The following SLC5A4 variants were observed in gnomAD, a reference collection of about 807,000 sequenced individuals.
The protein encoded by SLC5A4 is probable glucose sensor protein SLC5A4.
Under a neutral mutation model 70.3 loss-of-function variants are expected in SLC5A4, and 55 were observed. That is an observed-to-expected ratio of 0.78 (90% CI 0.63 to 0.98). The LOEUF is 0.98. SLC5A4 is among the 50% of genes least tolerant of loss of function. The probability of loss-of-function intolerance (pLI) is 0.00; values close to 1 mark genes in which losing one functional copy is unlikely to be tolerated. For missense variants in SLC5A4, 735 were observed against 839.2 expected (o/e 0.88, Z 1.53); for synonymous variants, 268 against 305.7 (o/e 0.88, Z 1.29).
chr22:32,236,109 A>AC (rs1926044395), intron 7 of SLC5A4, among the ~76,000 whole-genome samples: 1 of 152,208 alleles, frequency 6.6e-6, no homozygotes, highest in Admixed American at 6.5e-5. Flanking sequence ...CATGAACAAG[A>AC]ACAGCACAGA....
At chr22:32,338,447 G>A in the SLC5A4 span, among the ~76,000 whole-genome samples, 9 of 152,042 alleles carry the variant, frequency 5.9e-5, no homozygotes, top group African/African-American at 1.9e-4. Context: ...TCAGGAGTTC[G>A]GAGACCAGCC....
rs1926332900 is a variant in SLC5A4 at position 32,239,558 on chromosome 22, A to ATT, written c.478-469_478-468insAA. Among the ~76,000 whole-genome samples, 2 of 24,968 alleles carry ATT rather than the reference A, an allele frequency of 8.0e-5. 1 individual carries two copies. Among genetic ancestry groups the ATT allele is most frequent in the African/African-American group, 4.4e-4 (2 of 4,496 alleles). 16.4% of individuals were successfully genotyped at this position (24,968 alleles called of 152,430 possible). A position where few individuals can be genotyped will look rare whatever the true frequency, so the allele number is the denominator to read the frequency against. Reference sequence around the variant, plus strand: ...TATATATATATATATATATATATATATATATATATATTTATATATATATTT... The same window carrying ATT: ...TATATATATATATATATATATATATATTTATATATATATTTATATATATATTT... On this transcript the variant is annotated intron_variant, in intron 5 of 14. Transcript: ENST00000266086.
the SLC5A4 span, among the ~76,000 whole-genome samples, chr22:32,352,409 A>T: frequency 2.5e-5 from 3 of 117,734 alleles, no homozygotes; most frequent in African/African-American, 8.9e-5. Context: ...CCAGAAATTA[A>T]AAAAAAAAAA....
the SLC5A4 span, among the ~76,000 whole-genome samples, chr22:32,291,128 GTTATGT>G: frequency 6.7e-6 from 1 of 148,220 alleles, no homozygotes; most frequent in African/African-American, 2.5e-5. Flanking sequence ...TCCTCTCTGT[GTTATGT>G]TTATTTTCTT....
At chr22:32,319,107 G>A in the SLC5A4 span, among the ~76,000 whole-genome samples, 23 of 152,274 alleles carry the variant, frequency 1.5e-4, no homozygotes, top group East Asian at 1.9e-3. Flanking sequence ...TGGGGACATC[G>A]TTCTTCTCCT....
chr22:32,300,257 G>A, the SLC5A4 span, among the ~76,000 whole-genome samples: 3,654 of 148,328 alleles, frequency 0.025, 136 homozygotes, highest in African/African-American at 0.085. Flanking sequence ...CCCAAGCCTC[G>A]CTGCTGCCTT....
chr22:32,336,406 G>A, the SLC5A4 span, among the ~76,000 whole-genome samples: 6 of 152,242 alleles, frequency 3.9e-5, no homozygotes, highest in Admixed American at 6.5e-5. Flanking sequence ...TAGTTGCTGC[G>A]TTAAGGCATT....
the SLC5A4 span, among the ~76,000 whole-genome samples, chr22:32,351,338 C>G: frequency 2.0e-5 from 3 of 152,054 alleles, no homozygotes; most frequent in Non-Finnish European, 4.4e-5. Flanking sequence ...CACAGCTACT[C>G]AAGAATCTAA....
At chr22:32,226,210 T>C (rs1925387632) in intron 11 of SLC5A4, among the ~76,000 whole-genome samples, 2 of 152,216 alleles carry the variant, frequency 1.3e-5, no homozygotes, top group Non-Finnish European at 1.5e-5. Context: ...GTTCTTTTGC[T>C]AGCTTGCAGG....
At chr22:32,250,210 G>A (rs1297602573) in intron 3 of SLC5A4, among the ~76,000 whole-genome samples, 2 of 152,162 alleles carry the variant, frequency 1.3e-5, no homozygotes, top group African/African-American at 2.4e-5. Flanking sequence ...GACCACAGAA[G>A]TGCTGAAGGT....
At chr22:32,349,794 T>C in the SLC5A4 span, among the ~76,000 whole-genome samples, 1 of 152,232 alleles carries the variant, frequency 6.6e-6, no homozygotes, top group Non-Finnish European at 1.5e-5. Flanking sequence ...CTTTCCCATA[T>C]TATGGCTTTC....
chr22:32,307,270 G>C, the SLC5A4 span, among the ~76,000 whole-genome samples: 34 of 152,032 alleles, frequency 2.2e-4, no homozygotes, highest in Non-Finnish European at 3.8e-4. Flanking sequence ...GTAACTAATA[G>C]TCAAATCTGC....
At chr22:32,251,676 T>C (rs2145702479) in intron 3 of SLC5A4, 94 bp downstream of exon 3, 3 of 840,298 alleles carry the variant, frequency 3.6e-6, no homozygotes, top group Middle Eastern at 2.3e-4. Context: ...TTATAAATTA[T>C]CCAGCCTGTG....
Position 32,247,501 on chromosome 22 carries a change from C to T in SLC5A4, c.387G>A (p.Pro129=), listed in dbSNP as rs750551380. The T allele has an allele frequency of 2.3e-5, 37 of 1,612,032 alleles. No homozygotes were observed. Among genetic ancestry groups the T allele is most frequent in the East Asian group, 1.3e-4 (6 of 44,870 alleles). ...IYIKSGVMTM[P]EYLKKRFGGE... is the part of the protein sequence containing the mutation. ...CACCAAACCGCTTCTTGAGATATTC[C>T]GGCATGGTCATCACCTGCAGAGACA... The change falls in exon 5 of 15, where the codon CCG becomes CCA. Residue 129 remains proline, a synonymous_variant. Transcript: ENST00000266086.
chr22:32,340,079 C>T, the SLC5A4 span, among the ~76,000 whole-genome samples: 1 of 152,178 alleles, frequency 6.6e-6, no homozygotes, highest in Admixed American at 6.5e-5. Context: ...CTTTGGAGTT[C>T]ACCAGACCTT....
At chr22:32,237,012 G>GT (rs887819254) in intron 7 of SLC5A4, among the ~76,000 whole-genome samples, 16 of 152,162 alleles carry the variant, frequency 1.1e-4, no homozygotes, top group African/African-American at 3.9e-4. Flanking sequence ...CCTCTAAGCA[G>GT]TAATTTTTAA....
At chr22:32,304,443 GTT>G in the SLC5A4 span, among the ~76,000 whole-genome samples, 72,451 of 151,514 alleles carry the variant, frequency 0.48, 17,439 homozygotes, top group Admixed American at 0.51. Context: ...TGCCCAGCTT[GTT>G]TTTTCTTTTT....
chr22:32,270,272 A>C, the SLC5A4 span: 1 of 751,412 alleles, frequency 1.3e-6, no homozygotes, highest in South Asian at 1.4e-5. Context: ...CTGTCTGAAG[A>C]GTTTCAGAAC....
At chr22:32,352,753 T>A in the SLC5A4 span, among the ~76,000 whole-genome samples, 3 of 152,198 alleles carry the variant, frequency 2.0e-5, no homozygotes, top group African/African-American at 7.2e-5. Context: ...GCTGTCACCC[T>A]CAACGCACAG....
Sources: allele counts gnomAD v4.1 joint callset (sites outside exome capture counted in the v4.1 genomes callset), GRCh38; gene constraint gnomAD v4.1.1; transcripts MANE v1.5; gene names NCBI Gene and HGNC (gene_info 2026-07-23, HGNC 2026-07-21).